Variants in DMRT1 observed in about 807,000 individuals in gnomAD.
DMRT1 encodes doublesex and mab-3 related transcription factor 1.
A neutral mutation model predicts 32.3 loss-of-function variants in DMRT1; 7 were observed. The observed-to-expected ratio is 0.22, with a 90% CI of 0.12 to 0.41. DMRT1 has a LOEUF of 0.41. Ranked by LOEUF, DMRT1 falls within the 10% of genes least tolerant of loss-of-function variation. DMRT1 has a pLI of 1.00. For missense variants in DMRT1, 625 were observed against 500.5 expected (o/e 1.25, Z -2.37); for synonymous variants, 278 against 206.1 (o/e 1.35, Z -2.99).
chr9:844,327 A>G (rs1253346460), intron 1 of DMRT1, among the ~76,000 whole-genome samples: 1 of 152,170 alleles, frequency 6.6e-6, no homozygotes, highest in Non-Finnish European at 1.5e-5. Context: ...TGATTCTAAA[A>G]TAATTGTATA....
At chr9:953,300 C>G (rs1332733302) in intron 4 of DMRT1, among the ~76,000 whole-genome samples, 2 of 151,912 alleles carry the variant, frequency 1.3e-5, no homozygotes, top group Non-Finnish European at 2.9e-5. Context: ...GTCTGTGTAT[C>G]TTTTTGGTCT....
At chr9:904,163 G>C (rs929620598) in intron 3 of DMRT1, among the ~76,000 whole-genome samples, 3 of 152,192 alleles carry the variant, frequency 2.0e-5, no homozygotes, top group African/African-American at 7.2e-5. Context: ...TCTGTAATTG[G>C]CTTGAAATTT....
Position 910,817 on chromosome 9 carries a change from GA to G in DMRT1, c.823-5945del, listed in dbSNP as rs1586605445. Among the ~76,000 whole-genome samples, 6 of 152,074 alleles carry G rather than the reference GA, an allele frequency of 3.9e-5. No individual in the cohort carries two copies. The East Asian group carries it at 9.7e-4, about 25-fold the overall frequency. On this transcript the variant is annotated intron_variant, in intron 3 of 4. Coordinates refer to ENST00000382276, the MANE Select transcript of DMRT1 (RefSeq NM_021951.3). Reference sequence around the variant, plus strand: ...TAAAACATGCCTCTTGCTTGCCAGTGACCACTGCTAATAATAATAGTAGTCA... The same window carrying G: ...TAAAACATGCCTCTTGCTTGCCAGTGCCACTGCTAATAATAATAGTAGTCA...
intron 2 of DMRT1, among the ~76,000 whole-genome samples, chr9:883,394 T>G (rs1011062144): frequency 1.3e-5 from 2 of 151,960 alleles, no homozygotes; most frequent in Admixed American, 6.6e-5. Context: ...ACTTTGAAGG[T>G]TGAGATGAAT....
intron 4 of DMRT1, among the ~76,000 whole-genome samples, chr9:918,725 A>AAGCTAACTAC (rs3084909): frequency 0.039 from 5,865 of 151,796 alleles, 293 homozygotes; most frequent in African/African-American, 0.12. Context: ...GAGAGCTGGG[A>AAGCTAACTAC]AGTAAAATCT....
At chr9:842,986 G>A (rs952368627) in intron 1 of DMRT1, 2 of 152,184 alleles carry the variant, frequency 1.3e-5, no homozygotes, top group Non-Finnish European at 2.9e-5. Context: ...CGACTCCAAG[G>A]GAATCCCAGG....
chr9:924,942 G>A (rs1330899261), intron 4 of DMRT1, among the ~76,000 whole-genome samples: 3 of 152,150 alleles, frequency 2.0e-5, no homozygotes, highest in Admixed American at 6.5e-5. Flanking sequence ...GGCAAACTGT[G>A]GGCAAGATTG....
At chr9:887,631 C>T (rs1434068081) in intron 2 of DMRT1, among the ~76,000 whole-genome samples, 1 of 152,118 alleles carries the variant, frequency 6.6e-6, no homozygotes, top group Admixed American at 6.5e-5. Flanking sequence ...CTCTGTTGAC[C>T]TCCCTCATGA....
intron 2 of DMRT1, among the ~76,000 whole-genome samples, chr9:853,227 C>T (rs1279020238): frequency 2.0e-5 from 3 of 151,962 alleles, no homozygotes; most frequent in Non-Finnish European, 2.9e-5. Flanking sequence ...TTGCTAGCAT[C>T]GATGAACTTA....
intron 2 of DMRT1, among the ~76,000 whole-genome samples, chr9:848,552 C>CTTTTT (rs143346289): frequency 6.2e-5 from 6 of 97,026 alleles, no homozygotes; most frequent in Admixed American, 1.2e-4. Flanking sequence ...TGTTTCCTTT[C>CTTTTT]TTTTTTTTTT....
chr9:882,781 TC>T, intron 2 of DMRT1, among the ~76,000 whole-genome samples: 9 of 141,970 alleles, frequency 6.3e-5, no homozygotes, highest in African/African-American at 2.5e-4. Context: ...TTTTTTTTTG[TC>T]TGTCTGAGAC....
chr9:932,986 C>T (rs1046521121), intron 4 of DMRT1, among the ~76,000 whole-genome samples: 8 of 152,134 alleles, frequency 5.3e-5, no homozygotes, highest in African/African-American at 1.9e-4. Flanking sequence ...GATCTTGGCC[C>T]ACTGCAACCT....
intron 2 of DMRT1, among the ~76,000 whole-genome samples, chr9:887,644 CTATTGG>C (rs1816983425): frequency 6.6e-6 from 1 of 152,156 alleles, no homozygotes; most frequent in Non-Finnish European, 1.5e-5. Flanking sequence ...CCTCATGACT[CTATTGG>C]TATTATTCTC....
Position 948,903 on chromosome 9 carries a change from A to AAATAATAAT in DMRT1, c.968-19047_968-19039dup, listed in dbSNP as rs57959311. On this transcript the variant is annotated intron_variant, in intron 4 of 4. Transcript: ENST00000382276. Reference sequence around the variant, plus strand: ...AAACTCTGTCTCTACTAAAAATACAAAATAATAATAATAATAATAATAATA... The same window carrying AAATAATAAT: ...AAACTCTGTCTCTACTAAAAATACAAAATAATAATAATAATAATAATAATAATAATAATA... 4.1e-4 allele frequency among the ~76,000 whole-genome samples: 57 copies of AAATAATAAT among 137,728 alleles called. 1 individual carries two copies. The highest frequency in any genetic ancestry group is 9.1e-4 in the African/African-American group (34 of 37,396). The allele number at this position is 137,728 out of a possible 152,430, so 90.4% of individuals were successfully genotyped here.
intron 2 of DMRT1, among the ~76,000 whole-genome samples, chr9:856,272 G>T (rs1320178253): frequency 6.6e-6 from 1 of 152,154 alleles, no homozygotes; most frequent in Non-Finnish European, 1.5e-5. Flanking sequence ...GACTTAAGAT[G>T]TAATTCATAT....
chr9:949,337 G>C (rs1306108738), intron 4 of DMRT1, among the ~76,000 whole-genome samples: 2 of 150,818 alleles, frequency 1.3e-5, no homozygotes, highest in Non-Finnish European at 2.9e-5. Flanking sequence ...CCATTGCACT[G>C]AAGCCTGGGA....
intron 2 of DMRT1, among the ~76,000 whole-genome samples, chr9:865,699 C>A (rs535558180): frequency 3.3e-5 from 5 of 152,158 alleles, no homozygotes; most frequent in Non-Finnish European, 5.9e-5. Context: ...TTTCCCTACA[C>A]CCCCAGTTGC....
intron 2 of DMRT1, among the ~76,000 whole-genome samples, chr9:856,390 C>A (rs1482660001): frequency 6.6e-6 from 1 of 152,100 alleles, no homozygotes; most frequent in African/African-American, 2.4e-5. Flanking sequence ...CAGTCACTCC[C>A]CATGTACTCT....
chr9:934,813 C>T (rs1818833764), intron 4 of DMRT1, among the ~76,000 whole-genome samples: 2 of 152,186 alleles, frequency 1.3e-5, no homozygotes, highest in Admixed American at 1.3e-4. Flanking sequence ...AGTTTTGACA[C>T]TTTCGATGAC....
Sources: gnomAD v4.1 joint callset for allele counts (sites outside exome capture counted in the v4.1 genomes callset) on GRCh38, gnomAD v4.1.1 for gene constraint, MANE v1.5 for transcripts, NCBI Gene and HGNC (gene_info 2026-07-23, HGNC 2026-07-21) for gene names.